The following NELL1 variants were observed in gnomAD, a reference collection of about 807,000 sequenced individuals.
NELL1 encodes neural EGFL like 1.
In NELL1, 76 loss-of-function variants were observed where a neutral mutation model predicts 107.4. The observed-to-expected ratio is 0.71, with a 90% CI of 0.59 to 0.86. NELL1 has a LOEUF of 0.86. Ranked by LOEUF, NELL1 falls within the 40% of genes least tolerant of loss-of-function variation. The pLI, the probability that NELL1 is intolerant of heterozygous loss-of-function variation, is 0.00. For synonymous variants in NELL1, 353 were observed against 341.2 expected (o/e 1.03, Z -0.38); for missense variants, 1,024 against 1,005.5 (o/e 1.02, Z -0.25).
intron 12 of NELL1, among the ~76,000 whole-genome samples, chr11:21,092,060 T>C (rs994925013): frequency 6.6e-6 from 1 of 152,176 alleles, no homozygotes; most frequent in African/African-American, 2.4e-5. Flanking sequence ...GGATGAGAAA[T>C]GGCACCGAGT....
intron 13 of NELL1, among the ~76,000 whole-genome samples, chr11:21,194,722 C>T (rs1217056230): frequency 6.6e-6 from 1 of 152,138 alleles, no homozygotes; most frequent in Non-Finnish European, 1.5e-5. Context: ...AATAAGCCTT[C>T]CATATGATGC....
chr11:20,721,509 G>T (rs776418197), intron 2 of NELL1, among the ~76,000 whole-genome samples: 40 of 152,186 alleles, frequency 2.6e-4, no homozygotes, highest in Non-Finnish European at 4.7e-4. Context: ...AAATAAGAAA[G>T]GTGAAGCATC....
intron 1 of NELL1, chr11:20,674,636 T>A: frequency 1.0e-6 from 1 of 960,450 alleles, no homozygotes; most frequent in Non-Finnish European, 1.6e-6. Context: ...AATGCTTTTC[T>A]TAAGGGCACA....
intron 15 of NELL1, among the ~76,000 whole-genome samples, chr11:21,398,853 C>A (rs574717732): frequency 6.6e-6 from 1 of 151,736 alleles, no homozygotes; most frequent in South Asian, 2.1e-4. Context: ...CCCTATTTCT[C>A]TTTGCTTCCA....
chr11:21,323,507 T>C (rs1040158755), intron 14 of NELL1, among the ~76,000 whole-genome samples: 3 of 152,172 alleles, frequency 2.0e-5, no homozygotes, highest in African/African-American at 7.2e-5. Flanking sequence ...GGAAAACCTA[T>C]AAATGTAGTA....
chr11:20,748,919 TC>T (rs1564891846), intron 2 of NELL1, among the ~76,000 whole-genome samples: 3 of 138,440 alleles, frequency 2.2e-5, no homozygotes, highest in Non-Finnish European at 4.5e-5. Flanking sequence ...CACCCATCCA[TC>T]CATCCATCCA....
chr11:21,318,778 G>A (rs1403875146), intron 14 of NELL1, among the ~76,000 whole-genome samples: 2 of 151,422 alleles, frequency 1.3e-5, no homozygotes, highest in East Asian at 3.9e-4. Context: ...TTTTCTTTCT[G>A]TTGTGTTCCT....
chr11:21,242,246 G>A (rs984611047), intron 14 of NELL1, among the ~76,000 whole-genome samples: 2 of 152,082 alleles, frequency 1.3e-5, no homozygotes, highest in African/African-American at 4.8e-5. Flanking sequence ...GAGTGGTTGT[G>A]TGTCACAGTG....
At chr11:21,381,464 T>TGTGAGA (rs1439419262) in intron 15 of NELL1, among the ~76,000 whole-genome samples, 1 of 151,948 alleles carries the variant, frequency 6.6e-6, no homozygotes, top group Non-Finnish European at 1.5e-5. Flanking sequence ...CTTCATAATT[T>TGTGAGA]TATTGTGAGA....
intron 13 of NELL1, among the ~76,000 whole-genome samples, chr11:21,197,944 C>T (rs868840366): frequency 2.6e-5 from 4 of 152,098 alleles, no homozygotes; most frequent in Non-Finnish European, 2.9e-5. Flanking sequence ...ATCAAACAAC[C>T]GCCATTTTAC....
At chr11:20,874,442 A>T (rs1417855470) in intron 4 of NELL1, among the ~76,000 whole-genome samples, 1 of 152,174 alleles carries the variant, frequency 6.6e-6, no homozygotes, top group Non-Finnish European at 1.5e-5. Flanking sequence ...CCTGGATTTG[A>T]ATTTAGAATT....
At chr11:21,323,760 T>C (rs547116018) in intron 14 of NELL1, among the ~76,000 whole-genome samples, 1 of 152,288 alleles carries the variant, frequency 6.6e-6, no homozygotes, top group East Asian at 1.9e-4. Context: ...TATTTATTTT[T>C]ATCTGTGTTT....
At chr11:21,238,367 G>C (rs1858263569) in intron 14 of NELL1, among the ~76,000 whole-genome samples, 1 of 151,940 alleles carries the variant, frequency 6.6e-6, no homozygotes, top group Non-Finnish European at 1.5e-5. Context: ...TGGAGGCTGT[G>C]GATTTGATGG....
chr11:21,135,055 T>C (rs1451352378), intron 13 of NELL1, among the ~76,000 whole-genome samples: 1 of 152,182 alleles, frequency 6.6e-6, no homozygotes, highest in Admixed American at 6.5e-5. Flanking sequence ...ATTTCTGTTA[T>C]TTTTGTTTTT....
At chr11:20,926,028 C>T (rs911498981) in intron 7 of NELL1, among the ~76,000 whole-genome samples, 1 of 152,066 alleles carries the variant, frequency 6.6e-6, no homozygotes, top group Non-Finnish European at 1.5e-5. Context: ...TTGAATTGAT[C>T]TCCTGTATGG....
intron 16 of NELL1, among the ~76,000 whole-genome samples, chr11:21,551,670 C>T (rs1341634267): frequency 6.6e-6 from 1 of 151,496 alleles, no homozygotes; most frequent in Non-Finnish European, 1.5e-5. Context: ...GAAATAGGAA[C>T]ACTTTTACAC....
chr11:21,419,605 G>A (rs1300568122), intron 15 of NELL1, among the ~76,000 whole-genome samples: 3 of 152,060 alleles, frequency 2.0e-5, no homozygotes, highest in Non-Finnish European at 4.4e-5. Flanking sequence ...TGGTCCCAAG[G>A]AGAAACAGTT....
chr11:21,118,909 A>G (rs1327397166), intron 13 of NELL1, among the ~76,000 whole-genome samples: 7 of 152,104 alleles, frequency 4.6e-5, no homozygotes, highest in Non-Finnish European at 1.0e-4. Context: ...AAGAAGATAT[A>G]TCAGCTTTGG....
chr11:21,149,351 G>A (rs563102721), intron 13 of NELL1, among the ~76,000 whole-genome samples: 1 of 152,358 alleles, frequency 6.6e-6, no homozygotes, highest in East Asian at 1.9e-4. Context: ...ATAAAGGAAA[G>A]ATGTTTAATT....
Sources: gnomAD v4.1 joint callset for allele counts (sites outside exome capture counted in the v4.1 genomes callset) on GRCh38, gnomAD v4.1.1 for gene constraint, MANE v1.5 for transcripts, NCBI Gene and HGNC (gene_info 2026-07-23, HGNC 2026-07-21) for gene names.